The following BMERB1 variants were observed in gnomAD, a reference collection of about 807,000 sequenced individuals.
BMERB1 encodes bMERB domain containing 1.
In BMERB1, 12 loss-of-function variants were observed where a neutral mutation model predicts 23.6. The ratio of observed to expected loss-of-function variants is 0.51; its 90% CI spans 0.33 to 0.82. The LOEUF is 0.82. Among genes scored for constraint, BMERB1 ranks in the 40% least tolerant of loss-of-function variants. The pLI is 0.03. For missense variants in BMERB1, 247 were observed against 255.4 expected (o/e 0.97, Z 0.22); for synonymous variants, 122 against 96.6 (o/e 1.26, Z -1.54).
intron 2 of BMERB1, among the ~76,000 whole-genome samples, chr16:15,564,688 G>T (rs1321403439): frequency 6.6e-6 from 1 of 152,162 alleles, no homozygotes; most frequent in East Asian, 1.9e-4. Context: ...TCCCTAGTGG[G>T]CCATTCCTTA....
chr16:15,513,006 G>A (rs1207150410), intron 1 of BMERB1, among the ~76,000 whole-genome samples: 2 of 152,078 alleles, frequency 1.3e-5, no homozygotes, highest in Middle Eastern at 3.2e-3. Flanking sequence ...GAGGTGTGGG[G>A]TGGGCTCCAT....
chr16:15,580,341 T>A (rs1276091592), intron 3 of BMERB1, among the ~76,000 whole-genome samples: 1 of 152,074 alleles, frequency 6.6e-6, no homozygotes, highest in African/African-American at 2.4e-5. Flanking sequence ...TGGCCTCAAG[T>A]GATCCTCCTG....
At chr16:15,533,949 T>A (rs183138262) in intron 2 of BMERB1, among the ~76,000 whole-genome samples, 14 of 152,240 alleles carry the variant, frequency 9.2e-5, no homozygotes, top group Admixed American at 7.8e-4. Context: ...GTACAATGTC[T>A]GTACATTTCC....
rs191759105 is a variant in BMERB1 at position 15,524,110 on chromosome 16, C to G, written c.230+8682C>G. Among the ~76,000 whole-genome samples the G allele has an allele frequency of 5.1e-4, 77 of 152,206 alleles. 1 individual carries two copies. The East Asian group carries it at 0.014, about 28-fold the overall frequency. On this transcript the variant is annotated intron_variant, in intron 2 of 5. Coordinates refer to ENST00000300006, the MANE Select transcript of BMERB1 (RefSeq NM_033201.3). ...AGCCAAGGGCAAAATGAAGCATGTG[C>G]GTTTATGTAACTTGACACATTTCAG...
intron 1 of BMERB1, among the ~76,000 whole-genome samples, chr16:15,435,387 A>G (rs1382444249): frequency 6.6e-6 from 1 of 152,134 alleles, no homozygotes; most frequent in African/African-American, 2.4e-5. Flanking sequence ...TTCGAAATAG[A>G]CCGGCTGTAT....
At chr16:15,460,753 C>G (rs1287267785) in intron 1 of BMERB1, among the ~76,000 whole-genome samples, 1 of 152,094 alleles carries the variant, frequency 6.6e-6, no homozygotes, top group Non-Finnish European at 1.5e-5. Context: ...TGCCTCCCCT[C>G]AAGGAATTTG....
chr16:15,586,639 T>C (rs1191463652), intron 5 of BMERB1, 78 bp from the exon 6 acceptor site: 19 of 1,212,416 alleles, frequency 1.6e-5, no homozygotes, highest in Non-Finnish European at 2.3e-5. Flanking sequence ...GGGCTGCAGA[T>C]GGTCAGGGCT....
chr16:15,583,405 C>T, intron 5 of BMERB1, among the ~76,000 whole-genome samples, 167 bp downstream of exon 5: 2 of 151,912 alleles, frequency 1.3e-5, no homozygotes, highest in Non-Finnish European at 2.9e-5. Flanking sequence ...TGGTGAAACC[C>T]CGTATCTACC....
chr16:15,477,157 C>G (rs7205653), intron 1 of BMERB1, among the ~76,000 whole-genome samples: 10,567 of 152,072 alleles, frequency 0.069, 1,251 homozygotes, highest in African/African-American at 0.24. Context: ...AGTTGACTCA[C>G]CCTTCCACAT....
intron 1 of BMERB1, among the ~76,000 whole-genome samples, chr16:15,438,922 A>G (rs2050912701): frequency 6.6e-6 from 1 of 152,220 alleles, no homozygotes; most frequent in Non-Finnish European, 1.5e-5. Flanking sequence ...ATGGCATGAC[A>G]ATTGCCAAGC....
intron 2 of BMERB1, among the ~76,000 whole-genome samples, chr16:15,517,153 G>C (rs141563582): frequency 2.5e-4 from 38 of 152,262 alleles, no homozygotes; most frequent in African/African-American, 8.9e-4. Flanking sequence ...CTTTTGTCTG[G>C]AAATAAGCTA....
chr16:15,547,834 C>T (rs904574139), intron 2 of BMERB1, among the ~76,000 whole-genome samples: 1 of 152,136 alleles, frequency 6.6e-6, no homozygotes, highest in Non-Finnish European at 1.5e-5. Flanking sequence ...CTGTGTGATT[C>T]CGATGGAGCC....
intron 4 of BMERB1, 108 bp downstream of exon 4, chr16:15,581,439 A>G (rs1381144148): frequency 8.2e-6 from 7 of 850,264 alleles, no homozygotes; most frequent in Non-Finnish European, 1.3e-5. Context: ...CCTAACAGGC[A>G]TGGCCTTGAT....
chr16:15,444,123 G>GTTTTTTTTTTTTTTTTTTTTTTT lies in BMERB1; in HGVS notation c.106+9369_106+9391dup, dbSNP rs150793082. Among the ~76,000 whole-genome samples, 62 of 35,618 alleles carry GTTTTTTTTTTTTTTTTTTTTTTT rather than the reference G, an allele frequency of 1.7e-3. 12 individuals are homozygous for GTTTTTTTTTTTTTTTTTTTTTTT. Among genetic ancestry groups the GTTTTTTTTTTTTTTTTTTTTTTT allele is most frequent in the East Asian group, 0.011 (6 of 556 alleles). The allele number at this position is 35,618 out of a possible 152,430, so 23.4% of individuals were successfully genotyped here. A position where few individuals can be genotyped will look rare whatever the true frequency, so the allele number is the denominator to read the frequency against. ...AGGCCAGGGTCCAGGCACCAGCTTT[G>GTTTTTTTTTTTTTTTTTTTTTTT]TTTTTTTTTTTTTTTTTTTTTTTTT... On this transcript the variant is annotated intron_variant, in intron 1 of 5. Transcript: ENST00000300006.
At chr16:15,471,742 C>T (rs553213123) in intron 1 of BMERB1, among the ~76,000 whole-genome samples, 12 of 152,200 alleles carry the variant, frequency 7.9e-5, no homozygotes, top group South Asian at 4.1e-4. Flanking sequence ...TGCACCACCA[C>T]GCCTGGCTAA....
At chr16:15,496,603 A>G (rs528357106) in intron 1 of BMERB1, among the ~76,000 whole-genome samples, 1 of 150,884 alleles carries the variant, frequency 6.6e-6, no homozygotes, top group Admixed American at 6.6e-5. Context: ...CAGTGGTGCG[A>G]TCTTGGCTCA....
At chr16:15,457,491 T>C (rs2051095927) in intron 1 of BMERB1, among the ~76,000 whole-genome samples, 1 of 152,216 alleles carries the variant, frequency 6.6e-6, no homozygotes, top group African/African-American at 2.4e-5. Flanking sequence ...GACCTCTGCT[T>C]AAGTCCATCA....
Position 15,568,069 on chromosome 16 carries a change from A to G in BMERB1, c.304+13A>G, listed in dbSNP as rs745976206. 5 of 1,613,396 alleles carry G rather than the reference A, an allele frequency of 3.1e-6. No individual in the cohort carries two copies. In the East Asian group the frequency reaches 8.9e-5, roughly 29 times the overall value. ...GTCGCCATCCCAGGTAACCATTTGCAACTTCACCTTGTGCTAAACAGGTGC... is the reference window on the plus strand; with the variant it reads ...GTCGCCATCCCAGGTAACCATTTGCGACTTCACCTTGTGCTAAACAGGTGC... On this transcript the variant is annotated intron_variant, in intron 3 of 5. Transcript: ENST00000300006.
intron 1 of BMERB1, among the ~76,000 whole-genome samples, chr16:15,504,989 G>T (rs2051571801): frequency 6.6e-6 from 1 of 152,096 alleles, no homozygotes; most frequent in African/African-American, 2.4e-5. Flanking sequence ...TATGAGCTGG[G>T]TTGAAATAAT....
Sources: allele counts gnomAD v4.1 joint callset (sites outside exome capture counted in the v4.1 genomes callset), GRCh38; gene constraint gnomAD v4.1.1; transcripts MANE v1.5; gene names NCBI Gene and HGNC (gene_info 2026-07-23, HGNC 2026-07-21).